Variants in SGCZ observed in about 807,000 individuals in gnomAD.
The protein encoded by SGCZ is zeta-sarcoglycan.
A neutral mutation model predicts 41.3 loss-of-function variants in SGCZ; 40 were observed. The observed-to-expected ratio is 0.97, with a 90% CI of 0.75 to 1.26. The LOEUF is 1.26. Ranked by LOEUF, SGCZ falls within the 50% of genes most tolerant of loss-of-function variation. The pLI, the probability that SGCZ is intolerant of heterozygous loss-of-function variation, is 0.00. For missense variants in SGCZ, 552 were observed against 369.8 expected (o/e 1.49, Z -4.04); for synonymous variants, 206 against 137.5 (o/e 1.50, Z -3.49).
At chr8:14,571,426 G>A (rs751767689) in intron 1 of SGCZ, among the ~76,000 whole-genome samples, 2 of 152,176 alleles carry the variant, frequency 1.3e-5, no homozygotes, top group African/African-American at 2.4e-5. Context: ...GTCCACGGAG[G>A]CAGGCAATTA....
At chr8:14,939,544 C>T (rs972851593) in intron 1 of SGCZ, among the ~76,000 whole-genome samples, 2 of 152,106 alleles carry the variant, frequency 1.3e-5, no homozygotes, top group African/African-American at 4.8e-5. Context: ...TGAAATTACT[C>T]AAGCAACAAA....
intron 1 of SGCZ, among the ~76,000 whole-genome samples, chr8:15,177,930 C>T (rs1479727779): frequency 6.6e-6 from 1 of 152,166 alleles, no homozygotes; most frequent in African/African-American, 2.4e-5. Flanking sequence ...AGCCATTGCC[C>T]TGTAGGCCTC....
At chr8:14,764,064 C>G (rs746702500) in intron 1 of SGCZ, among the ~76,000 whole-genome samples, 1 of 152,090 alleles carries the variant, frequency 6.6e-6, no homozygotes, top group African/African-American at 2.4e-5. Flanking sequence ...AGTATAAGAA[C>G]AGCATTTTAT....
chr8:14,961,637 A>T (rs1057093519), intron 1 of SGCZ, among the ~76,000 whole-genome samples: 10 of 152,328 alleles, frequency 6.6e-5, no homozygotes, highest in Admixed American at 4.6e-4. Context: ...TAGTACATAT[A>T]GGGTCCACTA....
intron 1 of SGCZ, among the ~76,000 whole-genome samples, chr8:15,157,284 G>C (rs188475394): frequency 0.012 from 1,762 of 152,136 alleles, 40 homozygotes; most frequent in African/African-American, 0.039. Context: ...TGTGATCCCA[G>C]CACTTTGGGA....
chr8:14,599,182 C>A (rs771086671), intron 1 of SGCZ, among the ~76,000 whole-genome samples: 2 of 152,178 alleles, frequency 1.3e-5, no homozygotes, highest in African/African-American at 2.4e-5. Context: ...ATCTCTTAAA[C>A]TACTACTCAG....
At chr8:14,637,617 C>A (rs968753665) in intron 1 of SGCZ, among the ~76,000 whole-genome samples, 1 of 151,760 alleles carries the variant, frequency 6.6e-6, no homozygotes, top group African/African-American at 2.4e-5. Context: ...ATAATGGCAT[C>A]CAGCTGCGTC....
At chr8:14,789,769 G>A (rs553126264) in intron 1 of SGCZ, among the ~76,000 whole-genome samples, 8 of 152,054 alleles carry the variant, frequency 5.3e-5, no homozygotes, top group African/African-American at 7.2e-5. Flanking sequence ...GACTAGACCA[G>A]TTAGTCCAAC....
chr8:14,708,812 A>AGTGTGTGTGTGTGTGT lies in SGCZ; in HGVS notation c.40-153902_40-153887dup, dbSNP rs61049816. ...CACACTTGGAATGATGTTTTATTCG[A>AGTGTGTGTGTGTGTGT]GTGTGTGTGTGTGTGTGTGTGTGTG... On this transcript the variant is annotated intron_variant, in intron 1 of 7. Coordinates refer to ENST00000382080, the MANE Select transcript of SGCZ (RefSeq NM_139167.4). 9.4e-4 allele frequency among the ~76,000 whole-genome samples: 140 copies of AGTGTGTGTGTGTGTGT among 148,688 alleles called. 3 individuals carry two copies. Among genetic ancestry groups the AGTGTGTGTGTGTGTGT allele is most frequent in the African/African-American group, 2.4e-3 (96 of 40,308 alleles).
chr8:14,508,840 T>G (rs1438333747), intron 2 of SGCZ, among the ~76,000 whole-genome samples: 1 of 152,184 alleles, frequency 6.6e-6, no homozygotes, highest in African/African-American at 2.4e-5. Flanking sequence ...ATAGGACCAC[T>G]CTACTATTTG....
intron 1 of SGCZ, among the ~76,000 whole-genome samples, chr8:14,955,393 G>A (rs1800760748): frequency 6.6e-6 from 1 of 152,156 alleles, no homozygotes; most frequent in South Asian, 2.1e-4. Context: ...AACGTACAAT[G>A]TACTTTAAGC....
chr8:14,520,633 G>A (rs560452437), intron 2 of SGCZ, among the ~76,000 whole-genome samples: 1 of 151,926 alleles, frequency 6.6e-6, no homozygotes, highest in East Asian at 1.9e-4. Flanking sequence ...CAGGGATAAG[G>A]GCACAATATA....
chr8:14,544,047 G>A (rs1343221262), intron 2 of SGCZ, among the ~76,000 whole-genome samples: 1 of 152,102 alleles, frequency 6.6e-6, no homozygotes, highest in Non-Finnish European at 1.5e-5. Flanking sequence ...TTGTAAGAGG[G>A]CTTTAATGGT....
At chr8:15,172,736 C>T (rs1019723051) in intron 1 of SGCZ, among the ~76,000 whole-genome samples, 3 of 152,060 alleles carry the variant, frequency 2.0e-5, no homozygotes, top group Non-Finnish European at 2.9e-5. Flanking sequence ...TATCAACATG[C>T]GTAGAAACAT....
intron 3 of SGCZ, among the ~76,000 whole-genome samples, chr8:14,313,325 T>A (rs1473359022): frequency 6.6e-6 from 1 of 152,142 alleles, no homozygotes; most frequent in Admixed American, 6.6e-5. Flanking sequence ...ATTAATTAAT[T>A]TATTTATTTT....
In SGCZ at chr8:14,349,373, C is replaced by T. The variant is rs181645328; in HGVS notation, c.235-25169G>A. On this transcript the variant is annotated intron_variant, in intron 2 of 7. Coordinates refer to ENST00000382080, the MANE Select transcript of SGCZ (RefSeq NM_139167.4). ...TTCCCCACAAAAATGTTGTGCTCCCCTTTTATAGTATATATTTGTGGATTG... is the reference window on the plus strand; with the variant it reads ...TTCCCCACAAAAATGTTGTGCTCCCTTTTTATAGTATATATTTGTGGATTG... Among the ~76,000 whole-genome samples, 59 of 152,176 alleles carry T rather than the reference C, an allele frequency of 3.9e-4. No individual in the cohort carries two copies. The East Asian group carries it at 0.01, about 27-fold the overall frequency.
At chr8:14,856,607 C>A (rs992732709) in intron 1 of SGCZ, among the ~76,000 whole-genome samples, 1 of 152,070 alleles carries the variant, frequency 6.6e-6, no homozygotes, top group African/African-American at 2.4e-5. Flanking sequence ...TTAAAGCCCT[C>A]CCCCAAATAA....
chr8:14,912,494 T>C (rs1175449315), intron 1 of SGCZ, among the ~76,000 whole-genome samples: 1 of 152,102 alleles, frequency 6.6e-6, no homozygotes, highest in Non-Finnish European at 1.5e-5. Flanking sequence ...CAATGCATCA[T>C]TTTATAAACA....
intron 1 of SGCZ, among the ~76,000 whole-genome samples, chr8:14,984,582 A>C (rs1801770723): frequency 6.6e-6 from 1 of 152,080 alleles, no homozygotes; most frequent in African/African-American, 2.4e-5. Context: ...ACCACACAAT[A>C]TCATTTAACA....
Sources: gnomAD v4.1 joint callset for allele counts (sites outside exome capture counted in the v4.1 genomes callset) on GRCh38, gnomAD v4.1.1 for gene constraint, MANE v1.5 for transcripts, NCBI Gene and HGNC (gene_info 2026-07-23, HGNC 2026-07-21) for gene names.